DENND5A: variants seen among roughly 807,000 people sequenced by gnomAD.
DENND5A encodes the protein DENN domain containing 5A, also known as DENN domain-containing protein 5A.
Under a neutral mutation model 140.3 loss-of-function variants are expected in DENND5A, and 64 were observed. That is an observed-to-expected ratio of 0.46 (90% confidence interval 0.37 to 0.56). The LOEUF is 0.56. DENND5A is among the 20% of genes least tolerant of loss of function. The pLI is 0.00. For missense variants in DENND5A, 1,292 were observed against 1,593.8 expected (o/e 0.81, Z 3.22); for synonymous variants, 605 against 607.7 (o/e 1.00, Z 0.07).
intron 8 of DENND5A, among the ~76,000 whole-genome samples, chr11:9,174,040 T>C (rs1406316222): frequency 7.6e-6 from 1 of 131,062 alleles, no homozygotes; most frequent in Admixed American, 9.1e-5. Context: ...AAGGCAGAAG[T>C]TGCAGTGAGC....
chr11:9,246,054 T>C (rs1431303425), intron 1 of DENND5A, among the ~76,000 whole-genome samples: 2 of 152,158 alleles, frequency 1.3e-5, no homozygotes, highest in Admixed American at 6.5e-5. Context: ...ACCCCTTTTT[T>C]AGGGCCTGCA....
chr11:9,228,643 C>T (rs1030834547), intron 1 of DENND5A, among the ~76,000 whole-genome samples: 2 of 150,980 alleles, frequency 1.3e-5, no homozygotes, highest in African/African-American at 2.4e-5. Flanking sequence ...CACTTGAACC[C>T]GGGAGGCAGA....
intron 1 of DENND5A, among the ~76,000 whole-genome samples, chr11:9,264,225 T>C (rs1475600192): frequency 1.3e-5 from 2 of 152,206 alleles, no homozygotes; most frequent in Non-Finnish European, 2.9e-5. Context: ...ACTCCCCTCA[T>C]CACTTTCCCT....
intron 4 of DENND5A, among the ~76,000 whole-genome samples, chr11:9,197,673 C>A (rs1262504226): frequency 6.6e-6 from 1 of 152,046 alleles, no homozygotes; most frequent in Non-Finnish European, 1.5e-5. Context: ...CTAGCCTGGG[C>A]AACAGAGCAA....
chr11:9,209,668 G>A (rs899497794), intron 1 of DENND5A, among the ~76,000 whole-genome samples: 1 of 152,210 alleles, frequency 6.6e-6, no homozygotes, highest in African/African-American at 2.4e-5. Flanking sequence ...AAAGAAGTAT[G>A]AGGGCCCTGA....
At chr11:9,177,488 A>G (rs1390972164) in intron 8 of DENND5A, among the ~76,000 whole-genome samples, 1 of 144,902 alleles carries the variant, frequency 6.9e-6, no homozygotes, top group Non-Finnish European at 1.5e-5. Context: ...GTCTCCACAA[A>G]AAAAAAAAAT....
At chr11:9,252,314 A>G (rs1851762152) in intron 1 of DENND5A, among the ~76,000 whole-genome samples, 1 of 148,980 alleles carries the variant, frequency 6.7e-6, no homozygotes, top group Admixed American at 6.7e-5. Flanking sequence ...AAAAAAAAAA[A>G]GAACTAAATA....
At chr11:9,144,873 G>T in intron 18 of DENND5A, 122 bp downstream of exon 18, 1 of 704,194 alleles carries the variant, frequency 1.4e-6, no homozygotes, top group South Asian at 1.8e-5. Context: ...GAGCCAAACA[G>T]GAAGTTGCCT....
intron 1 of DENND5A, among the ~76,000 whole-genome samples, chr11:9,225,631 C>T (rs913706273): frequency 6.6e-6 from 1 of 152,104 alleles, no homozygotes; most frequent in African/African-American, 2.4e-5. Context: ...GGCATGGTAG[C>T]ACATACCTAT....
chr11:9,205,668 G>A (rs1004605619), intron 3 of DENND5A, among the ~76,000 whole-genome samples: 6 of 152,152 alleles, frequency 3.9e-5, no homozygotes, highest in Admixed American at 1.3e-4. Context: ...CAAGGTAGGC[G>A]GACTGTTTGA....
rs1421163559 is a variant in DENND5A, at chr11:9,139,391, A to G, written c.*280T>C. On this transcript the variant is annotated 3_prime_UTR_variant, in exon 23 of 23. Coordinates refer to ENST00000328194, the MANE Select transcript of DENND5A (RefSeq NM_015213.4). ...CAGTCCAGGGAGGCCTCAGGCTTCC[A>G]GCATGTGGCCACGGCGAGGGAGGGC... 9.6e-6 allele frequency: 4 copies of G among 417,730 alleles called. No homozygotes were observed. Among genetic ancestry groups the G allele is most frequent in the African/African-American group, 6.0e-5 (3 of 50,172 alleles). 25.9% of individuals were successfully genotyped at this position (417,730 alleles called of 1,614,324 possible).
intron 5 of DENND5A, among the ~76,000 whole-genome samples, chr11:9,181,804 G>A (rs1419561318): frequency 6.6e-6 from 1 of 152,116 alleles, no homozygotes; most frequent in African/African-American, 2.4e-5. Flanking sequence ...AACCCTAGGA[G>A]TGAGTTCAAA....
At position 9,139,889 on chromosome 11, in the gene DENND5A, G is replaced by A. The variant is rs536853023; in HGVS notation, c.3681-35C>T. 1.1e-5 allele frequency: 18 copies of A among 1,600,946 alleles called. No individual in the cohort carries two copies. In the East Asian group the frequency reaches 3.6e-4, roughly 32 times the overall value. The stretch of plus-strand genomic sequence containing the variant: ...CGGGAGCAGTCCAGGCAGGTCAGAG[G>A]GGCAAAGGAAAAGGAAGAGAGAGCG... On this transcript the variant is annotated intron_variant, in intron 22 of 22. Transcript: ENST00000328194.
At chr11:9,201,012 T>C (rs1220833517) in intron 4 of DENND5A, among the ~76,000 whole-genome samples, 4 of 152,098 alleles carry the variant, frequency 2.6e-5, no homozygotes, top group Non-Finnish European at 5.9e-5. Flanking sequence ...TCTGGGAAAT[T>C]TGAGCATCAA....
intron 11 of DENND5A, among the ~76,000 whole-genome samples, chr11:9,165,447 A>T (rs1022211463): frequency 1.3e-5 from 2 of 150,320 alleles, no homozygotes; most frequent in African/African-American, 4.9e-5. Flanking sequence ...TATATTAACG[A>T]TTTTTTTTTT....
intron 1 of DENND5A, among the ~76,000 whole-genome samples, chr11:9,234,676 C>T (rs562767256): frequency 6.6e-6 from 1 of 152,300 alleles, no homozygotes; most frequent in South Asian, 2.1e-4. Context: ...GGCAGAAAAC[C>T]GCTTAAAGGC....
At chr11:9,223,773 T>C (rs978568282) in intron 1 of DENND5A, among the ~76,000 whole-genome samples, 3 of 152,170 alleles carry the variant, frequency 2.0e-5, no homozygotes, top group Non-Finnish European at 2.9e-5. Context: ...CTTCAACCTA[T>C]TGCCTGTAGG....
chr11:9,252,092 G>C (rs575726566), intron 1 of DENND5A, among the ~76,000 whole-genome samples: 1 of 151,082 alleles, frequency 6.6e-6, no homozygotes, highest in South Asian at 2.1e-4. Context: ...GAGGTCCAGA[G>C]ATGGAGACCA....
At position 9,165,841 on chromosome 11, in the gene DENND5A, T is replaced by C; in HGVS notation, c.2278A>G (p.Asn760Asp). ...CAGAGATGTCCACAGCTTACCTTAT[T>C]GCGGCATTCCTTCAGCAGGCCCTCT... ...FVEGLLKECR[N>D]KTKRMLVEKM... The change falls in exon 11 of 23, where the codon AAT becomes GAT. Residue 760 changes from asparagine to aspartate, a missense_variant. Transcript: ENST00000328194. 6.2e-7 allele frequency: 1 copy of C among 1,614,018 alleles called. No homozygotes were observed. The highest frequency in any genetic ancestry group is 8.5e-7 in the Non-Finnish European group (1 of 1,179,906).
Sources: allele counts gnomAD v4.1 joint callset (sites outside exome capture counted in the v4.1 genomes callset), GRCh38; gene constraint gnomAD v4.1.1; transcripts MANE v1.5; gene names NCBI Gene and HGNC (gene_info 2026-07-23, HGNC 2026-07-21).